The following FAM135A variants were observed in gnomAD, a reference collection of about 807,000 sequenced individuals.
The protein encoded by FAM135A is protein FAM135A.
A neutral mutation model predicts 146.8 loss-of-function variants in FAM135A; 79 were observed. The ratio of observed to expected loss-of-function variants is 0.54; its 90% confidence interval spans 0.45 to 0.65. FAM135A has a LOEUF of 0.65. Ranked by LOEUF, FAM135A falls within the 30% of genes least tolerant of loss-of-function variation. The probability of loss-of-function intolerance (pLI) is 0.00; values close to 1 mark genes in which losing one functional copy is unlikely to be tolerated. For synonymous variants in FAM135A, 562 were observed against 603.6 expected (o/e 0.93, Z 1.01); for missense variants, 1,623 against 1,758.2 (o/e 0.92, Z 1.38).
chr6:70,466,923 CT>C lies in FAM135A; in HGVS notation c.158-8486del, dbSNP rs1199131423. On this transcript the variant is annotated intron_variant, in intron 5 of 21. Transcript: ENST00000418814. ...ACACAAATCCGAACTACATTGGTCA[CT>C]GTAGATTAGCTAAGGAAGAGGATCT... is the stretch of plus-strand genomic sequence containing the variant. Among the ~76,000 whole-genome samples, 3 of 152,318 alleles carry C rather than the reference CT, an allele frequency of 2.0e-5. No individual in the cohort carries two copies. In the East Asian group the frequency reaches 5.8e-4, roughly 29 times the overall value.
chr6:70,429,289 G>C (rs916441232), intron 4 of FAM135A, among the ~76,000 whole-genome samples: 2 of 152,166 alleles, frequency 1.3e-5, no homozygotes, highest in Non-Finnish European at 2.9e-5. Flanking sequence ...GAGGCGGGCA[G>C]ATCACCAGAG....
chr6:70,549,459 G>A (rs1160683466), intron 20 of FAM135A, among the ~76,000 whole-genome samples: 2 of 151,908 alleles, frequency 1.3e-5, no homozygotes, highest in Admixed American at 6.6e-5. Flanking sequence ...AGGAATTTGG[G>A]ACAAAATACA....
At chr6:70,541,673 T>C (rs1445883326) in intron 20 of FAM135A, among the ~76,000 whole-genome samples, 1 of 152,174 alleles carries the variant, frequency 6.6e-6, no homozygotes, top group Non-Finnish European at 1.5e-5. Flanking sequence ...TATATATCTC[T>C]AGCTTGTCCT....
At chr6:70,485,466 T>C (rs1037151746) in intron 10 of FAM135A, among the ~76,000 whole-genome samples, 1 of 152,190 alleles carries the variant, frequency 6.6e-6, no homozygotes, top group African/African-American at 2.4e-5. Context: ...ATTTTTATTC[T>C]AGCAAAATAA....
At chr6:70,505,513 C>T (rs1156723455) in intron 12 of FAM135A, among the ~76,000 whole-genome samples, 2 of 151,786 alleles carry the variant, frequency 1.3e-5, no homozygotes, top group African/African-American at 2.4e-5. Context: ...ATTAAGATGA[C>T]ACAGTATTGG....
intron 11 of FAM135A, among the ~76,000 whole-genome samples, chr6:70,497,681 A>G (rs939978080): frequency 4.6e-5 from 7 of 152,158 alleles, no homozygotes; most frequent in African/African-American, 1.2e-4. Context: ...ATCAATACCT[A>G]CTTTATTGAG....
chr6:70,443,844 C>T (rs1170639794), intron 4 of FAM135A, among the ~76,000 whole-genome samples: 2 of 152,022 alleles, frequency 1.3e-5, no homozygotes, highest in African/African-American at 4.8e-5. Context: ...GGCCTCAGAA[C>T]AAAAGCAGCT....
At chr6:70,542,529 G>A (rs117823440) in intron 20 of FAM135A, among the ~76,000 whole-genome samples, 410 of 152,126 alleles carry the variant, frequency 2.7e-3, no homozygotes, top group Non-Finnish European at 4.9e-3. Context: ...CAGAATACTC[G>A]CTGTATACCT....
chr6:70,541,315 T>TC (rs1403061955), intron 20 of FAM135A, among the ~76,000 whole-genome samples: 1 of 152,090 alleles, frequency 6.6e-6, no homozygotes, highest in Non-Finnish European at 1.5e-5. Flanking sequence ...ACTTTATTAC[T>TC]CCCCCCTTTT....
intron 12 of FAM135A, among the ~76,000 whole-genome samples, chr6:70,506,380 C>A: frequency 6.6e-6 from 1 of 152,082 alleles, no homozygotes; most frequent in East Asian, 1.9e-4. Flanking sequence ...CTGTTAAGGA[C>A]CAAATGGTAA....
intron 11 of FAM135A, among the ~76,000 whole-genome samples, chr6:70,497,423 A>G (rs1582556659): frequency 1.3e-5 from 2 of 152,192 alleles, no homozygotes; most frequent in South Asian, 4.1e-4. Flanking sequence ...TTCTAAATAG[A>G]CAATCATGTC....
chr6:70,522,654 T>G (rs1300983577), intron 13 of FAM135A, 68 bp downstream of exon 13: 60 of 1,258,898 alleles, frequency 4.8e-5, no homozygotes, highest in Non-Finnish European at 4.6e-6. Flanking sequence ...GTCTCAGAAT[T>G]TATCAGTGAC....
intron 4 of FAM135A, among the ~76,000 whole-genome samples, chr6:70,447,574 C>T (rs960376030): frequency 3.7e-4 from 57 of 152,278 alleles, no homozygotes; most frequent in African/African-American, 1.3e-3. Context: ...GGGGCACTAC[C>T]GGCTGTGGCG....
At chr6:70,484,201 A>C (rs1194599003) in intron 10 of FAM135A, among the ~76,000 whole-genome samples, 1 of 152,198 alleles carries the variant, frequency 6.6e-6, no homozygotes, top group Non-Finnish European at 1.5e-5. Flanking sequence ...CAACAGTATT[A>C]AGAAATCAGC....
intron 5 of FAM135A, among the ~76,000 whole-genome samples, chr6:70,465,927 T>C (rs1780391554): frequency 6.6e-6 from 1 of 152,230 alleles, no homozygotes; most frequent in Non-Finnish European, 1.5e-5. Flanking sequence ...TAACTCTTTT[T>C]CATGGTGTTT....
intron 4 of FAM135A, among the ~76,000 whole-genome samples, chr6:70,447,378 A>G (rs1228641149): frequency 6.6e-6 from 1 of 152,136 alleles, no homozygotes; most frequent in African/African-American, 2.4e-5. Flanking sequence ...AACAATTTGA[A>G]TTTCCCCATT....
chr6:70,437,813 CT>C (rs1773537368), intron 4 of FAM135A, among the ~76,000 whole-genome samples: 1 of 152,038 alleles, frequency 6.6e-6, no homozygotes, highest in Non-Finnish European at 1.5e-5. Flanking sequence ...ATGTTAGGCT[CT>C]TTGAAAAACA....
In FAM135A at chr6:70,559,778, A is replaced by C; in HGVS notation, c.4405A>C (p.Asn1469His). 1 of 1,614,134 alleles carries C rather than the reference A, an allele frequency of 6.2e-7. No homozygotes were observed. The highest frequency in any genetic ancestry group is 8.5e-7 in the Non-Finnish European group (1 of 1,180,020). The change falls in exon 22 of 22, where the codon AAT (asparagine) becomes CAT (histidine). Residue 1469 changes from asparagine (N) to histidine (H), a missense_variant. By Grantham distance (68) the Asn-to-His change is moderately conservative. Around this residue, in one of 7 missense-constraint regions of FAM135A, gnomAD observed 138 missense variants for 174.1 expected, o/e 0.79. Transcript: ENST00000418814. ...ACCCGTTCTGCAAAGCAAGGACTGTAATTTGGTTCGCTATAATGTCATCAA... is the reference window on the plus strand; with the variant it reads ...ACCCGTTCTGCAAAGCAAGGACTGTCATTTGGTTCGCTATAATGTCATCAA... Reference protein sequence around the residue: ...LRPVLQSKDCNLVRYNVINAL... With the variant: ...LRPVLQSKDCHLVRYNVINAL...
Position 70,525,463 on chromosome 6 carries a change from A to C in FAM135A, c.2379A>C (p.Gln793His). The C allele has an allele frequency of 6.2e-7, 1 of 1,613,282 alleles. No homozygotes were observed. Among genetic ancestry groups the C allele is most frequent in the African/African-American group, 1.3e-5 (1 of 75,024 alleles). The change falls in exon 15 of 22, where the codon CAA (glutamine) becomes CAC (histidine). Residue 793 changes from glutamine to histidine, a missense_variant. Gln to His is a conservative substitution (Grantham distance 24). Around this residue, in one of 7 missense-constraint regions of FAM135A, gnomAD observed 1,061 missense variants for 1,113.8 expected, o/e 0.95. Coordinates refer to ENST00000418814, the MANE Select transcript of FAM135A (RefSeq NM_001162529.3). ...PNTDLVFETV[Q>H]GQGPCNSERL... is the part of the protein sequence containing the mutation. Reference sequence around the variant, plus strand: ...CTGATTTAGTCTTTGAAACTGTGCAAGGGCAAGGTCCTTGCAATAGTGAAA... The same window carrying C: ...CTGATTTAGTCTTTGAAACTGTGCACGGGCAAGGTCCTTGCAATAGTGAAA...
Sources: allele counts gnomAD v4.1 joint callset (sites outside exome capture counted in the v4.1 genomes callset), GRCh38; gene constraint gnomAD v4.1.1; regional missense constraint gnomAD v4.1.1; transcripts MANE v1.5; gene names NCBI Gene and HGNC (gene_info 2026-07-23, HGNC 2026-07-21).